Variants in RBFOX1 observed in about 807,000 individuals in gnomAD.
The protein encoded by RBFOX1 is RNA binding protein fox-1 homolog 1.
A neutral mutation model predicts 57.7 loss-of-function variants in RBFOX1; 8 were observed. That is an observed-to-expected ratio of 0.14 (90% confidence interval 0.08 to 0.25). The LOEUF is 0.25. RBFOX1 is among the 10% of genes least tolerant of loss of function. The pLI, the probability that RBFOX1 is intolerant of heterozygous loss-of-function variation, is 1.00. For missense variants in RBFOX1, 611 were observed against 548.5 expected, an observed-to-expected ratio of 1.11 and a Z score of -1.14; for synonymous variants, 326 against 222.4, an observed-to-expected ratio of 1.47 and a Z score of -4.15.
At chr16:7,258,652 A>C (rs1464962815) in intron 4 of RBFOX1, among the ~76,000 whole-genome samples, 1 of 152,186 alleles carries the variant, frequency 6.6e-6, no homozygotes, top group Admixed American at 6.5e-5. Context: ...ATATTATTTT[A>C]CTAACATGAT....
intron 11 of RBFOX1, among the ~76,000 whole-genome samples, chr16:7,638,929 A>C (rs1193494813): frequency 6.6e-6 from 1 of 150,740 alleles, no homozygotes; most frequent in Non-Finnish European, 1.5e-5. Flanking sequence ...AATTCTTTTA[A>C]GTGTGCACCC....
At chr16:5,605,490 C>T (rs1225273563) in intron 3 of RBFOX1, among the ~76,000 whole-genome samples, 1 of 151,794 alleles carries the variant, frequency 6.6e-6, no homozygotes, top group Admixed American at 6.6e-5. Context: ...ACAGTGGTGC[C>T]ACTGATGATT....
At chr16:6,474,842 T>A (rs936740717) in intron 2 of RBFOX1, among the ~76,000 whole-genome samples, 5 of 152,294 alleles carry the variant, frequency 3.3e-5, no homozygotes, top group Admixed American at 3.3e-4. Context: ...CACTTTTAGG[T>A]ATCTACCCTG....
chr16:6,908,345 C>G (rs1039797418), intron 3 of RBFOX1, among the ~76,000 whole-genome samples: 2 of 147,210 alleles, frequency 1.4e-5, no homozygotes, highest in Non-Finnish European at 3.1e-5. Context: ...CCAAGTTACT[C>G]TGCCTTTGCA....
At chr16:6,989,352 C>G (rs191657411) in intron 3 of RBFOX1, among the ~76,000 whole-genome samples, 1 of 152,112 alleles carries the variant, frequency 6.6e-6, no homozygotes, top group Non-Finnish European at 1.5e-5. Context: ...ATCAGTCTGT[C>G]TTTTGAAGGA....
At chr16:7,654,544 G>T (rs79189169) in intron 12 of RBFOX1, among the ~76,000 whole-genome samples, 245 of 152,266 alleles carry the variant, frequency 1.6e-3, no homozygotes, top group Middle Eastern at 3.4e-3. Context: ...GAACAATGCA[G>T]ATTAGTTTGT....
At chr16:6,214,991 A>G (rs2097325800) in intron 1 of RBFOX1, among the ~76,000 whole-genome samples, 1 of 115,634 alleles carries the variant, frequency 8.6e-6, no homozygotes. Context: ...AGAGAGGAAG[A>G]GGGACAGGGA....
intron 4 of RBFOX1, among the ~76,000 whole-genome samples, chr16:7,447,136 G>C (rs1005019212): frequency 1.8e-4 from 28 of 151,884 alleles, no homozygotes; most frequent in African/African-American, 6.8e-4. Context: ...GGTTTTATGA[G>C]ATGTGACACT....
At chr16:5,518,131 T>A (rs2043863341) in intron 2 of RBFOX1, among the ~76,000 whole-genome samples, 1 of 152,194 alleles carries the variant, frequency 6.6e-6, no homozygotes, top group East Asian at 1.9e-4. Flanking sequence ...AAAACAAATT[T>A]ATAAATTAAA....
At chr16:6,370,293 G>A (rs962889707) in intron 2 of RBFOX1, among the ~76,000 whole-genome samples, 28 of 148,878 alleles carry the variant, frequency 1.9e-4, no homozygotes, top group Non-Finnish European at 1.0e-4. Flanking sequence ...AGGAGGCGGA[G>A]CTTGCAGTGA....
chr16:7,166,972 C>CTTTTTTTTTTTTTTTTTTTTTTTT lies in RBFOX1; in HGVS notation c.27+114886_27+114909dup, dbSNP rs537293692. ...AGCCCCAGATTGCTGCATTGGTGTT[C>CTTTTTTTTTTTTTTTTTTTTTTTT]TTTTTTTTTTTTTTTTTTTTTTTTT... is the stretch of plus-strand genomic sequence containing the variant. On this transcript the variant is annotated intron_variant, in intron 4 of 15. Transcript: ENST00000550418. Among the ~76,000 whole-genome samples the CTTTTTTTTTTTTTTTTTTTTTTTT allele has an allele frequency of 3.5e-4, 17 of 49,116 alleles. 3 individuals are homozygous for CTTTTTTTTTTTTTTTTTTTTTTTT. Among genetic ancestry groups the CTTTTTTTTTTTTTTTTTTTTTTTT allele is most frequent in the African/African-American group, 7.1e-4 (7 of 9,926 alleles). The allele number at this position is 49,116 out of a possible 152,430, so 32.2% of individuals were successfully genotyped here. A position where few individuals can be genotyped will look rare whatever the true frequency, so the allele number is the denominator to read the frequency against.
At chr16:5,881,263 G>A (rs2057754093) in intron 4 of RBFOX1, among the ~76,000 whole-genome samples, 1 of 152,194 alleles carries the variant, frequency 6.6e-6, no homozygotes, top group Non-Finnish European at 1.5e-5. Flanking sequence ...CTCAAATTAT[G>A]TTTGATTTTG....
intron 3 of RBFOX1, among the ~76,000 whole-genome samples, chr16:5,731,682 C>A (rs923963166): frequency 6.6e-6 from 1 of 152,006 alleles, no homozygotes; most frequent in Non-Finnish European, 1.5e-5. Context: ...GTCAGAAATC[C>A]CCCCTGGATG....
chr16:6,385,024 C>G (rs1950298731), intron 2 of RBFOX1, among the ~76,000 whole-genome samples: 1 of 152,144 alleles, frequency 6.6e-6, no homozygotes. Context: ...TCCCTGTTTG[C>G]TATCTACAAA....
At chr16:7,140,157 C>CCTCCCTCTCTCTCTCTCTCTCTCTCT (rs2073300584) in intron 4 of RBFOX1, among the ~76,000 whole-genome samples, 6 of 70,866 alleles carry the variant, frequency 8.5e-5, no homozygotes, top group African/African-American at 3.0e-4. Context: ...TCCTTCTCTC[C>CCTCCCTCTCTCTCTCTCTCTCTCTCT]CTCTCTCTCT....
chr16:7,300,661 TATAATAA>T (rs2096009749), intron 4 of RBFOX1, among the ~76,000 whole-genome samples: 1 of 152,190 alleles, frequency 6.6e-6, no homozygotes, highest in Non-Finnish European at 1.5e-5. Context: ...CTTGGGAAGT[TATAATAA>T]ATAGTTATGA....
intron 2 of RBFOX1, among the ~76,000 whole-genome samples, chr16:6,347,915 A>G (rs1050893602): frequency 6.6e-6 from 1 of 152,326 alleles, no homozygotes; most frequent in Non-Finnish European, 1.5e-5. Flanking sequence ...CAGATCATAC[A>G]GAAACTGGTG....
intron 2 of RBFOX1, among the ~76,000 whole-genome samples, chr16:6,581,882 A>C (rs534309258): frequency 9.8e-5 from 15 of 152,350 alleles, no homozygotes; most frequent in African/African-American, 3.6e-4. Context: ...GAGGCATTTC[A>C]ACATGTCAAG....
chr16:6,927,512 C>T (rs2075817833), intron 3 of RBFOX1, among the ~76,000 whole-genome samples: 1 of 149,818 alleles, frequency 6.7e-6, no homozygotes, highest in Non-Finnish European at 1.5e-5. Context: ...CACATGGAAG[C>T]TCCATGTGAG....
Sources: gnomAD v4.1 joint callset for allele counts (sites outside exome capture counted in the v4.1 genomes callset) on GRCh38, gnomAD v4.1.1 for gene constraint, MANE v1.5 for transcripts, NCBI Gene and HGNC (gene_info 2026-07-23, HGNC 2026-07-21) for gene names.